Variants in PCNT observed in about 807,000 individuals in gnomAD.
PCNT encodes the protein kendrin.
A neutral mutation model predicts 380.4 loss-of-function variants in PCNT; 319 were observed. The ratio of observed to expected loss-of-function variants is 0.84; its 90% confidence interval spans 0.77 to 0.92. The LOEUF (loss-of-function observed/expected upper bound fraction) is 0.92. PCNT is among the 40% of genes least tolerant of loss of function. The pLI is 0.00. For missense variants in PCNT, 4,400 were observed against 4,255.3 expected, an observed-to-expected ratio of 1.03 and a Z score of -0.95; for synonymous variants, 1,845 against 1,735.2, an observed-to-expected ratio of 1.06 and a Z score of -1.57.
chr21:46,388,823 G>T lies in PCNT; in HGVS notation c.3546G>T (p.Arg1182=). The change falls in exon 18 of 47, where the codon CGG becomes CGT. Residue 1182 remains arginine (R), a synonymous_variant. Coordinates refer to ENST00000359568, the MANE Select transcript of PCNT (RefSeq NM_006031.6). This position sits in a 1 kb window ranked among gnomAD's most constrained non-coding sequence, Gnocchi z 4.2. ...TLRAAVTLRS[R]IGERVGLCLD... is the part of the protein sequence containing the mutation. ...GGGCAGCCGTCACCCTGAGGAGCCG[G>T]ATCGGGGAGCGCGTGGGGCTCTGCC... 1.2e-6 allele frequency: 2 copies of T among 1,612,942 alleles called. No individual in the cohort carries two copies. Among genetic ancestry groups the T allele is most frequent in the South Asian group, 1.1e-5 (1 of 91,054 alleles).
In PCNT at chr21:46,431,724, A is replaced by G. The variant is rs140749927; in HGVS notation, c.8260A>G (p.Thr2754Ala). The G allele has an allele frequency of 5.7e-5, 92 of 1,612,080 alleles. No homozygotes were observed. In the African/African-American group the frequency reaches 1.1e-3, roughly 19 times the overall value. ...GGACCTTGCGGCTGAGAAGAGCCGC[A>G]CCCTGGAGCTGTCAGAGGCCTTGCG... is the stretch of plus-strand genomic sequence containing the variant. The part of the protein sequence containing the change: ...QKDLAAEKSR[T>A]LELSEALRHE... The change falls in exon 38 of 47, where the codon ACC (threonine) becomes GCC (alanine). Residue 2754 changes from threonine to alanine, a missense_variant. By Grantham distance (58) the Thr-to-Ala change is moderately conservative. Coordinates refer to ENST00000359568, the MANE Select transcript of PCNT (RefSeq NM_006031.6).
intron 3 of PCNT, among the ~76,000 whole-genome samples, chr21:46,341,897 T>C (rs1338024128): frequency 6.6e-6 from 1 of 151,806 alleles, no homozygotes; most frequent in Non-Finnish European, 1.5e-5. Flanking sequence ...TAGGCTGGTC[T>C]CAAACTTCTG....
chr21:46,334,815 T>G (rs770327228), intron 3 of PCNT, 47 bp downstream of exon 3: 2 of 1,613,964 alleles, frequency 1.2e-6, no homozygotes, highest in African/African-American at 1.3e-5. Flanking sequence ...TCAAAAGATT[T>G]CTTTATGTTG....
At chr21:46,384,171 C>T (rs527797714) in intron 16 of PCNT, among the ~76,000 whole-genome samples, 3 of 142,702 alleles carry the variant, frequency 2.1e-5, no homozygotes, top group East Asian at 2.3e-4. Flanking sequence ...CATTCAGCAG[C>T]GGAAGCGCAT....
chr21:46,356,381 T>C (rs2084478278), intron 12 of PCNT, among the ~76,000 whole-genome samples: 1 of 152,240 alleles, frequency 6.6e-6, no homozygotes, highest in Non-Finnish European at 1.5e-5. Flanking sequence ...CTGCCTGCCC[T>C]GCACCACAAT....
intron 3 of PCNT, among the ~76,000 whole-genome samples, chr21:46,335,924 C>T (rs936770275): frequency 5.9e-5 from 9 of 151,910 alleles, no homozygotes; most frequent in Non-Finnish European, 7.4e-5. Context: ...GTGATCTGCT[C>T]GTCTCAGCCT....
chr21:46,404,870 G>A (rs1471917531), intron 27 of PCNT, among the ~76,000 whole-genome samples: 4 of 152,128 alleles, frequency 2.6e-5, no homozygotes. Context: ...AGGAGATGGA[G>A]GATGCAGTGA....
At chr21:46,394,510 C>T (rs914351700) in intron 21 of PCNT, 37 of 985,028 alleles carry the variant, frequency 3.8e-5, no homozygotes, top group Non-Finnish European at 4.5e-5. Context: ...ATAGGCACAG[C>T]TGTCACTGCA....
At position 46,425,799 on chromosome 21, in the gene PCNT, C is replaced by A; in HGVS notation, c.7180-32C>A. 6.2e-7 allele frequency: 1 copy of A among 1,610,950 alleles called. No individual in the cohort carries two copies. On this transcript the variant is annotated intron_variant, in intron 32 of 46. Coordinates refer to ENST00000359568, the MANE Select transcript of PCNT (RefSeq NM_006031.6). The surrounding 1 kb of genome is among the most constrained non-coding windows in gnomAD (Gnocchi z 4.2). ...GAGCGTGGCTGTGTGGGGTGGCAGGCAACTCCCTTCTGACGCGCTTTCCCG... is the reference window on the plus strand; with the variant it reads ...GAGCGTGGCTGTGTGGGGTGGCAGGAAACTCCCTTCTGACGCGCTTTCCCG...
At chr21:46,328,523 C>T (rs536912877) in intron 2 of PCNT, among the ~76,000 whole-genome samples, 5 of 152,266 alleles carry the variant, frequency 3.3e-5, no homozygotes, top group African/African-American at 1.2e-4. Context: ...TGCAGTGGTG[C>T]AGTCCTGGCT....
In PCNT at chr21:46,422,099, A is replaced by G. The variant is rs756238939; in HGVS notation, c.7154A>G (p.Lys2385Arg). The G allele has an allele frequency of 6.2e-7, 1 of 1,613,918 alleles. No individual in the cohort carries two copies. The highest frequency in any genetic ancestry group is 8.5e-7 in the Non-Finnish European group (1 of 1,180,024). ...FQPLPEAMKE[K>R]EVRPKHVKAL... ...CCGCTGCCGGAAGCCATGAAGGAGA[A>G]GGAAGTGCGTCCGAAGCACGTGAAG... Residue 2385 changes from lysine to arginine, a missense_variant, in exon 32 of 47, where the codon AAG (lysine) becomes AGG (arginine). By Grantham distance (26) the Lys-to-Arg change is conservative. Coordinates refer to ENST00000359568, the MANE Select transcript of PCNT (RefSeq NM_006031.6).
Position 46,416,708 on chromosome 21 carries a change from G to A in PCNT, c.6790G>A (p.Ala2264Thr), listed in dbSNP as rs771286324. 2.0e-5 allele frequency: 31 copies of A among 1,575,868 alleles called. No homozygotes were observed. The South Asian group carries it at 3.4e-4, about 17-fold the overall frequency. The change falls in exon 30 of 47, where the codon GCG becomes ACG. Residue 2264 changes from alanine to threonine, a missense_variant. By Grantham distance (58) the Ala-to-Thr change is moderately conservative. Transcript: ENST00000359568. ...CSADTSLGDR[A>T]DTSLPQTQGP... ...TGCCGACACATCCCTGGGGGACAGG[G>A]CGGACACCTCGCTGCCACAGACCCA...
chr21:46,365,939 G>A (rs1272108011), intron 14 of PCNT, among the ~76,000 whole-genome samples: 1 of 144,636 alleles, frequency 6.9e-6, no homozygotes, highest in African/African-American at 2.7e-5. Flanking sequence ...CTGCTGTGGG[G>A]TTCTATTCAC....
At chr21:46,347,618 C>T (rs2084115742) in intron 6 of PCNT, 106 bp downstream of exon 6, 5 of 1,016,324 alleles carry the variant, frequency 4.9e-6, no homozygotes, top group South Asian at 2.5e-5. Flanking sequence ...AGAAGCCAGT[C>T]GAGGCTTTAT....
intron 39 of PCNT, among the ~76,000 whole-genome samples, 199 bp from the exon 40 acceptor site, chr21:46,436,780 G>A (rs1227432104): frequency 6.6e-6 from 1 of 152,156 alleles, no homozygotes; most frequent in Non-Finnish European, 1.5e-5. Flanking sequence ...GGAGGTTTCT[G>A]AGCTCTGCAG....
Position 46,431,670 on chromosome 21 carries a change from G to A in PCNT, c.8206G>A (p.Glu2736Lys). The change falls in exon 38 of 47, where the codon GAG becomes AAG. Residue 2736 changes from glutamate (E) to lysine (K), a missense_variant. Glu to Lys is a moderately conservative substitution (Grantham distance 56). Transcript: ENST00000359568. ...HSRCEALLAQ[E>K]RSQLSELQKD... Reference sequence around the variant, plus strand: ...ACGCTGCGAGGCCTTGCTGGCTCAGGAGCGGAGCCAGCTCTCTGAGCTCCA... The same window carrying A: ...ACGCTGCGAGGCCTTGCTGGCTCAGAAGCGGAGCCAGCTCTCTGAGCTCCA... 6.2e-7 allele frequency: 1 copy of A among 1,613,364 alleles called. No individual in the cohort carries two copies. The highest frequency in any genetic ancestry group is 8.5e-7 in the Non-Finnish European group (1 of 1,179,820).
At chr21:46,364,917 G>C (rs1371650132) in intron 14 of PCNT, among the ~76,000 whole-genome samples, 1 of 152,248 alleles carries the variant, frequency 6.6e-6, no homozygotes, top group Non-Finnish European at 1.5e-5. Flanking sequence ...GCTTCCAGGC[G>C]CAGAGGTGCC....
intron 8 of PCNT, among the ~76,000 whole-genome samples, chr21:46,351,168 A>G (rs1411514548): frequency 6.6e-6 from 1 of 152,070 alleles, no homozygotes; most frequent in East Asian, 1.9e-4. Flanking sequence ...TGGCCGTGCC[A>G]CCTCCTCAGC....
chr21:46,428,428 C>A lies in PCNT; in HGVS notation c.7528C>A (p.Arg2510Ser). 6.2e-7 allele frequency: 1 copy of A among 1,612,544 alleles called. No homozygotes were observed. The highest frequency in any genetic ancestry group is 8.5e-7 in the Non-Finnish European group (1 of 1,179,886). The part of the protein sequence containing the change: ...DLQEKSLEHL[R>S]LPDRSSLLSE... ...GCAGGAAAAGTCCCTGGAGCATCTT[C>A]GCTTGCCGGACCGGAGCAGCCTGCT... is the stretch of plus-strand genomic sequence containing the variant. The change falls in exon 35 of 47, where the codon CGC (arginine) becomes AGC (serine). Residue 2510 changes from arginine to serine, a missense_variant. Coordinates refer to ENST00000359568, the MANE Select transcript of PCNT (RefSeq NM_006031.6).
Sources: allele counts gnomAD v4.1 joint callset (sites outside exome capture counted in the v4.1 genomes callset), GRCh38; gene constraint gnomAD v4.1.1; non-coding constraint Gnocchi (gnomAD v3.1); transcripts MANE v1.5; gene names NCBI Gene and HGNC (gene_info 2026-07-23, HGNC 2026-07-21).